Variants in PLXDC2 observed in about 807,000 individuals in gnomAD.
PLXDC2 encodes the protein plexin domain containing 2.
In PLXDC2, 40 loss-of-function variants were observed where a neutral mutation model predicts 68.9. The observed-to-expected ratio is 0.58, with a 90% CI of 0.45 to 0.76. The LOEUF (loss-of-function observed/expected upper bound fraction) is 0.76. Ranked by LOEUF, PLXDC2 falls within the 30% of genes least tolerant of loss-of-function variation. The pLI is 0.00. For missense variants in PLXDC2, 644 were observed against 661.9 expected (o/e 0.97, Z 0.30); for synonymous variants, 243 against 234.2 (o/e 1.04, Z -0.34).
chr10:19,923,885 G>A (rs192513134), intron 1 of PLXDC2, among the ~76,000 whole-genome samples: 15 of 152,218 alleles, frequency 9.9e-5, no homozygotes, highest in Admixed American at 9.2e-4. Flanking sequence ...GCATCATAGC[G>A]AGACCCTGTG....
At chr10:20,232,724 G>T (rs1293123992) in intron 12 of PLXDC2, among the ~76,000 whole-genome samples, 4 of 152,158 alleles carry the variant, frequency 2.6e-5, no homozygotes, top group Non-Finnish European at 5.9e-5. Flanking sequence ...ATGCGGTGTT[G>T]GTCGGGGCTG....
Position 20,018,396 on chromosome 10 carries a change from A to G in PLXDC2, c.324+16410A>G, listed in dbSNP as rs12256233. 5.3e-3 allele frequency among the ~76,000 whole-genome samples: 801 copies of G among 152,276 alleles called. 6 individuals carry two copies. The highest frequency in any genetic ancestry group is 0.018 in the African/African-American group (758 of 41,548). On this transcript the variant is annotated intron_variant, in intron 2 of 13. Transcript: ENST00000377252. ...CCTATACTTATTTTATTTAAGCACT[A>G]TCCAGATGAAATACTTCCTTTTGCT...
chr10:20,047,823 A>G (rs1030528924), intron 3 of PLXDC2, among the ~76,000 whole-genome samples: 2 of 152,140 alleles, frequency 1.3e-5, no homozygotes, highest in Non-Finnish European at 2.9e-5. Context: ...TAACCTGCCC[A>G]AGGTCTCCAC....
At chr10:20,046,829 C>T (rs1835806069) in intron 2 of PLXDC2, 40 bp from the exon 3 acceptor site, 1 of 1,543,216 alleles carries the variant, frequency 6.5e-7, no homozygotes, top group African/African-American at 1.4e-5. Context: ...GTAGGTAAAA[C>T]ATCTCGGTTC....
intron 4 of PLXDC2, among the ~76,000 whole-genome samples, chr10:20,125,418 A>G (rs1362421450): frequency 1.3e-5 from 2 of 152,118 alleles, no homozygotes; most frequent in East Asian, 3.9e-4. Context: ...ACAAAATCCA[A>G]CCTGTTTGTA....
At chr10:20,046,212 G>C (rs953699267) in intron 2 of PLXDC2, among the ~76,000 whole-genome samples, 3 of 151,924 alleles carry the variant, frequency 2.0e-5, no homozygotes, top group African/African-American at 7.2e-5. Flanking sequence ...TGTTCAAAAG[G>C]ACCTTTTTGT....
chr10:20,049,800 A>G (rs1835861907), intron 3 of PLXDC2, among the ~76,000 whole-genome samples: 1 of 152,172 alleles, frequency 6.6e-6, no homozygotes, highest in Non-Finnish European at 1.5e-5. Context: ...AGCAATTTAC[A>G]GATTCAATGC....
intron 1 of PLXDC2, among the ~76,000 whole-genome samples, chr10:19,818,405 G>A (rs1437447688): frequency 6.6e-6 from 1 of 152,056 alleles, no homozygotes; most frequent in Non-Finnish European, 1.5e-5. Flanking sequence ...AAACCCTTGA[G>A]TGAAATTTAC....
chr10:19,998,434 T>C (rs1169883752), intron 1 of PLXDC2, among the ~76,000 whole-genome samples: 1 of 152,194 alleles, frequency 6.6e-6, no homozygotes, highest in Admixed American at 6.5e-5. Context: ...TGATGAGCCA[T>C]GTACTACTGA....
At chr10:20,074,292 A>T (rs148207660) in intron 4 of PLXDC2, among the ~76,000 whole-genome samples, 1 of 152,168 alleles carries the variant, frequency 6.6e-6, no homozygotes, top group Non-Finnish European at 1.5e-5. Flanking sequence ...TACGTAAAAG[A>T]TTAAAATGTT....
At chr10:20,120,720 G>A (rs1416627381) in intron 4 of PLXDC2, among the ~76,000 whole-genome samples, 2 of 152,166 alleles carry the variant, frequency 1.3e-5, no homozygotes, top group Non-Finnish European at 2.9e-5. Flanking sequence ...AGCTTCATGT[G>A]TAGGGAAGGG....
chr10:20,206,251 A>C (rs1234376847), intron 9 of PLXDC2, among the ~76,000 whole-genome samples: 1 of 152,150 alleles, frequency 6.6e-6, no homozygotes, highest in Non-Finnish European at 1.5e-5. Flanking sequence ...ACTAACTCAA[A>C]CAATTGGATT....
chr10:19,921,814 G>A (rs181408134), intron 1 of PLXDC2, among the ~76,000 whole-genome samples: 1 of 152,244 alleles, frequency 6.6e-6, no homozygotes, highest in East Asian at 1.9e-4. Context: ...ATTAGGGCCA[G>A]TTGGGACAAC....
At chr10:19,985,067 C>T (rs1454467520) in intron 1 of PLXDC2, among the ~76,000 whole-genome samples, 3 of 152,136 alleles carry the variant, frequency 2.0e-5, no homozygotes, top group Non-Finnish European at 2.9e-5. Flanking sequence ...TCTACAGCTG[C>T]GAAGGCTTAT....
At chr10:20,198,358 A>G (rs1386194810) in intron 9 of PLXDC2, among the ~76,000 whole-genome samples, 1 of 152,194 alleles carries the variant, frequency 6.6e-6, no homozygotes, top group East Asian at 1.9e-4. Flanking sequence ...GAAATTCTAA[A>G]GCCCATCATT....
intron 4 of PLXDC2, among the ~76,000 whole-genome samples, chr10:20,128,672 C>G (rs193135801): frequency 6.6e-6 from 1 of 152,110 alleles, no homozygotes; most frequent in African/African-American, 2.4e-5. Context: ...CCTATCCCCC[C>G]ACTTCTAGCA....
rs375888716 is a variant in PLXDC2, at chr10:19,841,018, C to T, written c.112+23827C>T. Among the ~76,000 whole-genome samples the T allele has an allele frequency of 1.4e-4, 22 of 152,292 alleles. No individual in the cohort carries two copies. The East Asian group carries it at 4.2e-3, about 29-fold the overall frequency. ...TCCTTATGAAGCAAGTAATTTTCCT[C>T]AGCTGTCTAGAATAGGCATTGCTCT... is the stretch of plus-strand genomic sequence containing the variant. On this transcript the variant is annotated intron_variant, in intron 1 of 13. Coordinates refer to ENST00000377252, the MANE Select transcript of PLXDC2 (RefSeq NM_032812.9).
At chr10:20,133,801 T>G (rs1833899832) in intron 4 of PLXDC2, among the ~76,000 whole-genome samples, 1 of 152,186 alleles carries the variant, frequency 6.6e-6, no homozygotes. Flanking sequence ...CTTTTGCCTT[T>G]TCTCTTTCTC....
chr10:20,046,902 A>C lies in PLXDC2; in HGVS notation c.358A>C (p.Ile120Leu), dbSNP rs1386705680. ...DTDHNYYISR[I>L]YGPSDSASRD... ...AGACCACAATTACTATATATCTCGA[A>C]TATATGGTCCATCTGATTCTGCCAG... Residue 120 changes from isoleucine to leucine, a missense_variant, in exon 3 of 14, where the codon ATA becomes CTA. Physicochemically the swap from Ile to Leu is conservative, Grantham distance 5. Coordinates refer to ENST00000377252, the MANE Select transcript of PLXDC2 (RefSeq NM_032812.9). 6.2e-7 allele frequency: 1 copy of C among 1,612,502 alleles called. No homozygotes were observed. Among genetic ancestry groups the C allele is most frequent in the East Asian group, 2.2e-5 (1 of 44,792 alleles).
Sources: gnomAD v4.1 joint callset for allele counts (sites outside exome capture counted in the v4.1 genomes callset) on GRCh38, gnomAD v4.1.1 for gene constraint, MANE v1.5 for transcripts, NCBI Gene and HGNC (gene_info 2026-07-23, HGNC 2026-07-21) for gene names.